NHSL1: variants seen among roughly 807,000 people sequenced by gnomAD.
NHSL1 encodes NHS like 1.
Under a neutral mutation model 95.0 loss-of-function variants are expected in NHSL1, and 48 were observed. The observed-to-expected ratio is 0.51, with a 90% CI of 0.40 to 0.64. The LOEUF (loss-of-function observed/expected upper bound fraction) is 0.64, where lower values mean the gene tolerates loss of function less well. NHSL1 is among the 30% of genes least tolerant of loss of function. The probability of loss-of-function intolerance (pLI) is 0.00; values close to 1 mark genes in which losing one functional copy is unlikely to be tolerated. For missense variants in NHSL1, 1,971 were observed against 2,077.7 expected, an observed-to-expected ratio of 0.95 and a Z score of 1.00; for synonymous variants, 783 against 833.9, an observed-to-expected ratio of 0.94 and a Z score of 1.05.
intron 1 of NHSL1, among the ~76,000 whole-genome samples, chr6:138,598,936 TA>T (rs1784336924): frequency 6.6e-6 from 1 of 152,224 alleles, no homozygotes; most frequent in Admixed American, 6.5e-5. Flanking sequence ...CATATGTTTC[TA>T]AACATTAGAC....
At chr6:138,672,144 G>A (rs543625491) in intron 1 of NHSL1, among the ~76,000 whole-genome samples, 4 of 152,122 alleles carry the variant, frequency 2.6e-5, no homozygotes, top group Admixed American at 1.3e-4. Flanking sequence ...CCCAGTGCTC[G>A]TGTCTGTGGC....
At chr6:138,681,119 T>C (rs934122838) in intron 1 of NHSL1, among the ~76,000 whole-genome samples, 2 of 151,820 alleles carry the variant, frequency 1.3e-5, no homozygotes, top group African/African-American at 2.4e-5. Context: ...CTAAAAGACA[T>C]ACAGAACAAT....
chr6:138,568,197 C>T (rs967233456), intron 1 of NHSL1, among the ~76,000 whole-genome samples: 2 of 152,168 alleles, frequency 1.3e-5, no homozygotes, highest in African/African-American at 4.8e-5. Context: ...TTCCTTTATG[C>T]GGACCTTCTC....
intron 1 of NHSL1, among the ~76,000 whole-genome samples, chr6:138,671,255 G>A (rs1019709900): frequency 4.6e-5 from 7 of 151,962 alleles, no homozygotes; most frequent in African/African-American, 1.7e-4. Flanking sequence ...TCAGGAGTTC[G>A]AGACCAGCCT....
chr6:138,604,380 A>C (rs1784407744), intron 1 of NHSL1, among the ~76,000 whole-genome samples: 1 of 152,174 alleles, frequency 6.6e-6, no homozygotes, highest in Non-Finnish European at 1.5e-5. Context: ...AATCTAACGA[A>C]CACTAAGGAT....
intron 1 of NHSL1, among the ~76,000 whole-genome samples, chr6:138,615,051 A>ACAGT (rs59654579): frequency 0.11 from 16,008 of 151,928 alleles, 1,757 homozygotes; most frequent in African/African-American, 0.28. Context: ...TTGAGTTCAG[A>ACAGT]CAAACACCAA....
chr6:138,631,531 C>A (rs1042280963), intron 1 of NHSL1, among the ~76,000 whole-genome samples: 9 of 152,122 alleles, frequency 5.9e-5, no homozygotes, highest in South Asian at 4.1e-4. Context: ...TCAGCCACAG[C>A]AGAATAGGGC....
intron 1 of NHSL1, among the ~76,000 whole-genome samples, chr6:138,620,723 A>G (rs1784644066): frequency 1.3e-5 from 2 of 152,030 alleles, no homozygotes; most frequent in African/African-American, 4.8e-5. Context: ...TCTAGAACTT[A>G]AAAAAAATAT....
intron 1 of NHSL1, among the ~76,000 whole-genome samples, chr6:138,604,229 TAGGA>T (rs1784406026): frequency 6.6e-6 from 1 of 152,192 alleles, no homozygotes; most frequent in African/African-American, 2.4e-5. Context: ...AGAAGTTTGA[TAGGA>T]ACCTTGCAAA....
intron 1 of NHSL1, among the ~76,000 whole-genome samples, chr6:138,634,629 G>A (rs911823339): frequency 6.6e-6 from 1 of 152,102 alleles, no homozygotes; most frequent in Non-Finnish European, 1.5e-5. Context: ...CCCACTTTCA[G>A]CATTAGACAG....
chr6:138,650,474 C>T lies in NHSL1; in HGVS notation c.96+42002G>A. 7.7e-6 allele frequency: 7 copies of T among 913,422 alleles called. No homozygotes were observed. In the South Asian group the frequency reaches 9.3e-5, roughly 12 times the overall value. 56.6% of individuals were successfully genotyped at this position (913,422 alleles called of 1,614,324 possible). A position where few individuals can be genotyped will look rare whatever the true frequency, so the allele number is the denominator to read the frequency against. On this transcript the variant is annotated intron_variant, in intron 1 of 3. Coordinates refer to the NHSL1 transcript ENST00000491526. Reference sequence around the variant, plus strand: ...TGGTGTGGCTCCGGATGGCCAGGGCCTGGTGGAGGCTGTCATCCACCAGGT... The same window carrying T: ...TGGTGTGGCTCCGGATGGCCAGGGCTTGGTGGAGGCTGTCATCCACCAGGT...
chr6:138,479,995 G>A (rs763390293), intron 2 of NHSL1, among the ~76,000 whole-genome samples: 4 of 152,176 alleles, frequency 2.6e-5, no homozygotes, highest in African/African-American at 7.2e-5. Flanking sequence ...AATTGAATGC[G>A]AAGTGGAATA....
At chr6:138,673,400 A>G (rs1785407386) in intron 1 of NHSL1, among the ~76,000 whole-genome samples, 1 of 151,892 alleles carries the variant, frequency 6.6e-6, no homozygotes, top group Non-Finnish European at 1.5e-5. Context: ...TTAAGTGACT[A>G]GAACAGTTTC....
At chr6:138,440,533 G>C (rs189548245) in intron 5 of NHSL1, among the ~76,000 whole-genome samples, 1 of 151,978 alleles carries the variant, frequency 6.6e-6, no homozygotes, top group East Asian at 1.9e-4. Context: ...GCAAACACCT[G>C]TATACCATCT....
At chr6:138,632,843 C>T (rs1583458897) in intron 1 of NHSL1, among the ~76,000 whole-genome samples, 1 of 152,142 alleles carries the variant, frequency 6.6e-6, no homozygotes, top group African/African-American at 2.4e-5. Context: ...TCCAGGAAAA[C>T]ATGTCCTCAC....
chr6:138,491,065 CCT>C (rs1307665155), intron 2 of NHSL1, among the ~76,000 whole-genome samples: 2 of 152,048 alleles, frequency 1.3e-5, no homozygotes, highest in Non-Finnish European at 2.9e-5. Flanking sequence ...TAAATATAAC[CCT>C]CTGACTTTGA....
intron 1 of NHSL1, among the ~76,000 whole-genome samples, chr6:138,646,468 GC>G (rs1421286772): frequency 2.0e-5 from 3 of 151,864 alleles, no homozygotes; most frequent in African/African-American, 7.3e-5. Context: ...CAGCACTCCT[GC>G]CTGAGCGGCA....
chr6:138,517,112 T>C (rs891081632), intron 1 of NHSL1, among the ~76,000 whole-genome samples: 2 of 152,234 alleles, frequency 1.3e-5, no homozygotes, highest in Non-Finnish European at 2.9e-5. Flanking sequence ...CCATGCCTAC[T>C]CTTTGGCTGT....
intron 1 of NHSL1, among the ~76,000 whole-genome samples, chr6:138,689,965 G>T (rs919090102): frequency 1.3e-5 from 2 of 152,154 alleles, no homozygotes; most frequent in Non-Finnish European, 2.9e-5. Flanking sequence ...CTTCTAAAGG[G>T]AAGGAACACA....
Sources: gnomAD v4.1 joint callset for allele counts (sites outside exome capture counted in the v4.1 genomes callset) on GRCh38, gnomAD v4.1.1 for gene constraint, MANE v1.5 for transcripts, NCBI Gene and HGNC (gene_info 2026-07-23, HGNC 2026-07-21) for gene names.